SPRED2: variants seen among roughly 807,000 people sequenced by gnomAD.
The protein encoded by SPRED2 is sprouty related EVH1 domain containing 2.
In SPRED2, 47 loss-of-function variants were observed where a neutral mutation model predicts 43.0. The ratio of observed to expected loss-of-function variants is 1.09; its 90% CI spans 0.87 to 1.40. SPRED2 has a LOEUF of 1.40. Ranked by LOEUF, SPRED2 falls within the 40% of genes most tolerant of loss-of-function variation. The probability of loss-of-function intolerance (pLI) is 0.00; values close to 1 mark genes in which losing one functional copy is unlikely to be tolerated. For missense variants in SPRED2, 561 were observed against 586.4 expected, an observed-to-expected ratio of 0.96 and a Z score of 0.45; for synonymous variants, 225 against 225.7, an observed-to-expected ratio of 1.00 and a Z score of 0.03.
intron 1 of SPRED2, among the ~76,000 whole-genome samples, chr2:65,382,331 G>C (rs1675392122): frequency 6.6e-6 from 1 of 152,194 alleles, no homozygotes; most frequent in Non-Finnish European, 1.5e-5. Flanking sequence ...AAAAGCCAGG[G>C]GGGGTGCTTT....
chr2:65,365,968 C>G (rs746538811), intron 1 of SPRED2, among the ~76,000 whole-genome samples: 7 of 152,140 alleles, frequency 4.6e-5, no homozygotes, highest in Admixed American at 6.5e-5. Flanking sequence ...TCCCCACTAC[C>G]CTTTCTCCCA....
chr2:65,374,644 G>A (rs917611574), intron 1 of SPRED2, among the ~76,000 whole-genome samples: 6 of 152,200 alleles, frequency 3.9e-5, no homozygotes, highest in African/African-American at 1.4e-4. Flanking sequence ...CACCAGCAGG[G>A]CAGCCAAAGT....
rs577957964 is a variant in SPRED2 at position 65,429,030 on chromosome 2, C to G, written c.26+2932G>C. ...CGAAAGAGAATGGTCAGTGTATTTT[C>G]TATATGGAAGATATCTTTTGGGACC... On this transcript the variant is annotated intron_variant, in intron 1 of 5. Transcript: ENST00000356388. 2.6e-5 allele frequency among the ~76,000 whole-genome samples: 4 copies of G among 152,246 alleles called. No individual in the cohort carries two copies. The South Asian group carries it at 8.3e-4, about 32-fold the overall frequency.
At chr2:65,329,031 C>T (rs1005194706) in intron 4 of SPRED2, among the ~76,000 whole-genome samples, 1 of 152,216 alleles carries the variant, frequency 6.6e-6, no homozygotes, top group Non-Finnish European at 1.5e-5. Context: ...TAGGACAAAA[C>T]CAACATTGTC....
intron 1 of SPRED2, among the ~76,000 whole-genome samples, chr2:65,413,327 A>G (rs1419252630): frequency 6.6e-6 from 1 of 152,178 alleles, no homozygotes; most frequent in African/African-American, 2.4e-5. Flanking sequence ...GCCACCCTAG[A>G]CTGCACAGGG....
chr2:65,309,566 A>G (rs2104083407), downstream of SPRED2, among the ~76,000 whole-genome samples: 1 of 151,360 alleles, frequency 6.6e-6, no homozygotes, highest in South Asian at 2.1e-4. Context: ...TATAGGTTAT[A>G]TGCAAATATA....
At chr2:65,308,492 T>G, downstream of SPRED2, 1 of 985,426 alleles carries the variant, frequency 1.0e-6, no homozygotes, top group Non-Finnish European at 1.2e-6. Flanking sequence ...ATCTAAATAC[T>G]CACAAAATAT....
intron 4 of SPRED2, among the ~76,000 whole-genome samples, chr2:65,319,252 C>T (rs920311883): frequency 6.6e-6 from 1 of 152,166 alleles, no homozygotes; most frequent in Non-Finnish European, 1.5e-5. Flanking sequence ...GCTTCTGATC[C>T]CCCAAGCCAT....
At chr2:65,320,716 G>A (rs1211548380) in intron 4 of SPRED2, among the ~76,000 whole-genome samples, 1 of 152,114 alleles carries the variant, frequency 6.6e-6, no homozygotes, top group Non-Finnish European at 1.5e-5. Flanking sequence ...TATTTCAGAT[G>A]GATACTAACA....
At chr2:65,381,952 T>C (rs1191127840) in intron 1 of SPRED2, among the ~76,000 whole-genome samples, 1 of 152,250 alleles carries the variant, frequency 6.6e-6, no homozygotes, top group Non-Finnish European at 1.5e-5. Flanking sequence ...ACTTCTGTAC[T>C]TCTCAAAGCA....
In SPRED2 at chr2:65,368,354, C is replaced by T. The variant is rs567622850; in HGVS notation, c.27-23458G>A. On this transcript the variant is annotated intron_variant, in intron 1 of 5. Coordinates refer to ENST00000356388, the MANE Select transcript of SPRED2 (RefSeq NM_181784.3). ...ACTTCCTTGGCTTTGACAATTCTTT[C>T]CTCCTCACGAGGACTGCAGGCTGCA... Among the ~76,000 whole-genome samples the T allele has an allele frequency of 5.3e-5, 8 of 152,328 alleles. No individual in the cohort carries two copies. The East Asian group carries it at 1.5e-3, about 29-fold the overall frequency.
intron 1 of SPRED2, among the ~76,000 whole-genome samples, chr2:65,429,401 G>GA (rs891642631): frequency 6.6e-6 from 1 of 151,932 alleles, no homozygotes; most frequent in East Asian, 1.9e-4. Context: ...ATCATTACAA[G>GA]AAAAAAACAG....
intron 1 of SPRED2, among the ~76,000 whole-genome samples, chr2:65,416,909 G>C (rs1055658417): frequency 2.0e-5 from 3 of 152,336 alleles, no homozygotes; most frequent in Middle Eastern, 6.8e-3. Flanking sequence ...TTTATTCGGA[G>C]TTAACCTATG....
At chr2:65,348,974 T>C (rs1464017534) in intron 1 of SPRED2, among the ~76,000 whole-genome samples, 1 of 152,122 alleles carries the variant, frequency 6.6e-6, no homozygotes, top group Non-Finnish European at 1.5e-5. Context: ...ATATGACTAA[T>C]CCAACTATTT....
chr2:65,422,133 CTCTT>C (rs1291093880), intron 1 of SPRED2, among the ~76,000 whole-genome samples: 2 of 147,996 alleles, frequency 1.4e-5, no homozygotes, highest in Non-Finnish European at 3.0e-5. Context: ...CTCTCTCTCT[CTCTT>C]ACCCTCACTC....
chr2:65,381,775 C>T (rs1876518), intron 1 of SPRED2, among the ~76,000 whole-genome samples: 67,130 of 152,096 alleles, frequency 0.44, 15,153 homozygotes, highest in African/African-American at 0.51. Context: ...CAAATGGGAA[C>T]TGTGCAATTC....
At chr2:65,386,241 C>T (rs937698008) in intron 1 of SPRED2, among the ~76,000 whole-genome samples, 63 of 144,956 alleles carry the variant, frequency 4.3e-4, no homozygotes, top group Non-Finnish European at 1.0e-4. Context: ...GCCGAGATCG[C>T]GCCATTGCAC....
chr2:65,402,403 G>C (rs2103730564), intron 1 of SPRED2, among the ~76,000 whole-genome samples: 1 of 152,146 alleles, frequency 6.6e-6, no homozygotes, highest in South Asian at 2.1e-4. Context: ...GCTGCCCACT[G>C]TAGGGGATGA....
chr2:65,418,869 ATT>A (rs111548471), intron 1 of SPRED2, among the ~76,000 whole-genome samples: 1 of 151,238 alleles, frequency 6.6e-6, no homozygotes, highest in East Asian at 1.9e-4. Flanking sequence ...ATTTCTTATC[ATT>A]TTTTTTTATT....
Sources: gnomAD v4.1 joint callset for allele counts (sites outside exome capture counted in the v4.1 genomes callset) on GRCh38, gnomAD v4.1.1 for gene constraint, MANE v1.5 for transcripts, NCBI Gene and HGNC (gene_info 2026-07-23, HGNC 2026-07-21) for gene names.